MYT1: variants seen among roughly 807,000 people sequenced by gnomAD.
MYT1 encodes myelin transcription factor I.
MYT1 carries 23 observed loss-of-function variants against 123.0 expected under a neutral mutation model. The ratio of observed to expected loss-of-function variants is 0.19; its 90% CI spans 0.13 to 0.26. MYT1 has a LOEUF of 0.26. Ranked by LOEUF, MYT1 falls within the 10% of genes least tolerant of loss-of-function variation. The probability of loss-of-function intolerance (pLI) is 1.00; values close to 1 mark genes in which losing one functional copy is unlikely to be tolerated. For missense variants in MYT1, 1,125 were observed against 1,472.5 expected (o/e 0.76, Z 3.86); for synonymous variants, 518 against 575.3 (o/e 0.90, Z 1.43).
At chr20:64,195,526 G>A (rs1196023951) in intron 2 of MYT1, among the ~76,000 whole-genome samples, 1 of 151,276 alleles carries the variant, frequency 6.6e-6, no homozygotes, top group African/African-American at 2.4e-5. Context: ...CTCCCAAGTA[G>A]CTGAGACTAC....
In MYT1 at chr20:64,191,263, C is replaced by T. The variant is rs1311340592; in HGVS notation, c.-1+1103C>T. Among the ~76,000 whole-genome samples the T allele has an allele frequency of 6.6e-6, 1 of 152,180 alleles. No individual in the cohort carries two copies. Among genetic ancestry groups the T allele is most frequent in the Non-Finnish European group, 1.5e-5 (1 of 68,038 alleles). Reference sequence around the variant, plus strand: ...TACCTTCCCAGGGTATAAGATCTCCCTTCGGGGACACTCCCGAACTGTGAC... The same window carrying T: ...TACCTTCCCAGGGTATAAGATCTCCTTTCGGGGACACTCCCGAACTGTGAC... On this transcript the variant is annotated intron_variant, in intron 2 of 22. Coordinates refer to ENST00000328439, the MANE Select transcript of MYT1 (RefSeq NM_004535.3). This position sits in a 1 kb window ranked among gnomAD's most constrained non-coding sequence, Gnocchi z 4.1.
intron 4 of MYT1, among the ~76,000 whole-genome samples, chr20:64,201,961 A>AC (rs1444995410): frequency 1.5e-5 from 2 of 134,550 alleles, no homozygotes; most frequent in South Asian, 2.4e-4. Flanking sequence ...CGTGTCGGGA[A>AC]CCCCCGCGTG....
chr20:64,219,033 A>C lies in MYT1; in HGVS notation c.1969A>C (p.Lys657Gln), dbSNP rs1469924297. The change falls in exon 12 of 23, where the codon AAG (lysine) becomes CAG (glutamine). Residue 657 changes from lysine to glutamine, a missense_variant and splice_region_variant. By Grantham distance (53) the Lys-to-Gln change is moderately conservative. This residue lies in a region of MYT1 where 429 missense variants were observed against 604.1 expected (regional missense o/e 0.71). Coordinates refer to ENST00000328439, the MANE Select transcript of MYT1 (RefSeq NM_004535.3). ...CACGAAGCCACAGGACCTCCCCAGC[A>C]AGGTTAGTACATCTGCCACAGAGCC... ...LSTKPQDLPS[K>Q]SVDIEVDENG... 1.9e-6 allele frequency: 3 copies of C among 1,612,636 alleles called. No individual in the cohort carries two copies. The highest frequency in any genetic ancestry group is 1.7e-6 in the Non-Finnish European group (2 of 1,179,508).
chr20:64,214,872 C>T (rs1407830936), intron 10 of MYT1, among the ~76,000 whole-genome samples: 2 of 152,230 alleles, frequency 1.3e-5, no homozygotes, highest in African/African-American at 2.4e-5. Context: ...AGATGATCTT[C>T]GCTGCTCACC....
Position 64,240,361 on chromosome 20 carries a change from C to G in MYT1, c.3279C>G (p.Thr1093=), listed in dbSNP as rs780228970. The G allele has an allele frequency of 5.0e-6, 8 of 1,614,062 alleles. No homozygotes were observed. Among genetic ancestry groups the G allele is most frequent in the Middle Eastern group, 3.3e-4 (2 of 6,054 alleles). ...CEQNFDAYVS[T]LTDMYSNQDP... is the part of the protein sequence containing the mutation. ...AGAATTTCGATGCCTATGTGAGCACCCTCACCGACATGTACTCCAACCAGG... is the reference window on the plus strand; with the variant it reads ...AGAATTTCGATGCCTATGTGAGCACGCTCACCGACATGTACTCCAACCAGG... Residue 1093 remains threonine, a synonymous_variant, in exon 23 of 23, where the codon ACC becomes ACG. Transcript: ENST00000328439.
rs2295451 is a variant in MYT1 at position 64,199,524 on chromosome 20, T to A, written c.56-368T>A. ...GTCCAGCTTGATCTGGTGGTTTGTG[T>A]TTCCTGCCAAAAGCTGACTTCTATC... On this transcript the variant is annotated intron_variant, in intron 3 of 22. Transcript: ENST00000328439. Among the ~76,000 whole-genome samples the A allele has an allele frequency of 1.2e-3, 185 of 152,310 alleles. 2 individuals are homozygous for A. The East Asian group carries it at 0.034, about 28-fold the overall frequency.
intron 2 of MYT1, among the ~76,000 whole-genome samples, chr20:64,198,595 G>C (rs1983200267): frequency 2.0e-5 from 3 of 152,238 alleles, no homozygotes; most frequent in Admixed American, 2.0e-4. Context: ...TGGGGGCACG[G>C]TGCACTGTAC....
Position 64,208,418 on chromosome 20 carries a change from C to T in MYT1, c.1222C>T (p.Leu408=). 17 of 1,613,346 alleles carry T rather than the reference C, an allele frequency of 1.1e-5. No homozygotes were observed. Among genetic ancestry groups the T allele is most frequent in the Non-Finnish European group, 1.4e-5 (17 of 1,179,942 alleles). The part of the protein sequence containing the change: ...PGCPPAEQSQ[L]GLGEPGKAAK... ...CTGCCCGCCTGCCGAGCAGAGCCAG[C>T]TGGGCCTGGGAGAGCCAGGGAAGGC... is the stretch of plus-strand genomic sequence containing the variant. The change falls in exon 7 of 23, where the codon CTG becomes TTG. Residue 408 remains leucine (L), a synonymous_variant. Transcript: ENST00000328439. The surrounding 1 kb of genome is among the most constrained non-coding windows in gnomAD (Gnocchi z 5.4).
At chr20:64,182,000 T>G (rs1030729653) in intron 1 of MYT1, among the ~76,000 whole-genome samples, 1 of 151,936 alleles carries the variant, frequency 6.6e-6, no homozygotes, top group Non-Finnish European at 1.5e-5. Context: ...CCCCCAGGAG[T>G]CTACTGTGAC....
intron 16 of MYT1, among the ~76,000 whole-genome samples, chr20:64,224,785 GT>G (rs1159132558): frequency 6.6e-6 from 1 of 152,014 alleles, no homozygotes; most frequent in East Asian, 1.9e-4. Flanking sequence ...AGTCTCCATG[GT>G]TTTTCCCATT....
At position 64,213,218 on chromosome 20, in the gene MYT1, T is replaced by G. The variant is rs1387868165; in HGVS notation, c.1518-316T>G. On this transcript the variant is annotated intron_variant, in intron 9 of 22. Transcript: ENST00000328439. The surrounding 1 kb of genome is among the most constrained non-coding windows in gnomAD (Gnocchi z 5.6). ...AGGGCAAGCCTGTCTCCCAGACCCA[T>G]GCAGAGGAGGCATCTTTGCCCAGAG... Among the ~76,000 whole-genome samples the G allele has an allele frequency of 6.6e-6, 1 of 152,130 alleles. No homozygotes were observed. Among genetic ancestry groups the G allele is most frequent in the Non-Finnish European group, 1.5e-5 (1 of 68,010 alleles).
At chr20:64,225,201 C>G (rs949680203) in intron 16 of MYT1, among the ~76,000 whole-genome samples, 7 of 152,200 alleles carry the variant, frequency 4.6e-5, no homozygotes, top group Non-Finnish European at 8.8e-5. Context: ...CCCCCCGCCA[C>G]GTGTCCTGGT....
At chr20:64,172,512 G>A (rs1465173406) in intron 1 of MYT1, among the ~76,000 whole-genome samples, 2 of 152,196 alleles carry the variant, frequency 1.3e-5, no homozygotes, top group African/African-American at 2.4e-5. Flanking sequence ...CAAGGCCTCA[G>A]TAAAATGTGG....
At chr20:64,199,577 T>C (rs1983230314) in intron 3 of MYT1, among the ~76,000 whole-genome samples, 2 of 152,202 alleles carry the variant, frequency 1.3e-5, no homozygotes, top group Admixed American at 1.3e-4. Context: ...ATACCATCCC[T>C]GGCCCTGAGG....
rs781757453 is a variant in MYT1, at chr20:64,240,375, A to G, written c.3293A>G (p.Tyr1098Cys). 4 of 1,613,992 alleles carry G rather than the reference A, an allele frequency of 2.5e-6. No individual in the cohort carries two copies. In the South Asian group the frequency reaches 4.4e-5, roughly 18 times the overall value. ...DAYVSTLTDM[Y>C]SNQDPENKDL... ...TATGTGAGCACCCTCACCGACATGT[A>G]CTCCAACCAGGACCCGGAGAACAAG... The change falls in exon 23 of 23, where the codon TAC becomes TGC. Residue 1098 changes from tyrosine (Y) to cysteine (C), a missense_variant. By Grantham distance (194) the Tyr-to-Cys change is radical. Coordinates refer to ENST00000328439, the MANE Select transcript of MYT1 (RefSeq NM_004535.3).
chr20:64,222,415 C>T (rs1601720167), intron 14 of MYT1, among the ~76,000 whole-genome samples: 3 of 152,354 alleles, frequency 2.0e-5, no homozygotes, highest in Admixed American at 2.0e-4. Context: ...CAGCTGGGCA[C>T]GTTCTGCCCT....
intron 19 of MYT1, among the ~76,000 whole-genome samples, chr20:64,235,713 C>T (rs1269709604): frequency 7.3e-5 from 9 of 123,166 alleles, no homozygotes; most frequent in East Asian, 2.3e-4. Context: ...CTTGGCTGGC[C>T]GTGGTGGGTG....
At chr20:64,165,400 A>G (rs1394630424) in intron 1 of MYT1, among the ~76,000 whole-genome samples, 2 of 152,058 alleles carry the variant, frequency 1.3e-5, no homozygotes, top group African/African-American at 4.8e-5. Context: ...TTATGGTGGT[A>G]GTGTAACTGG....
rs1983954281 is a variant in MYT1 at position 64,219,953 on chromosome 20, AGCC to A, written c.2216_2218del (p.Arg739del). On this transcript the variant is annotated inframe_deletion, in exon 13 of 23. Coordinates refer to ENST00000328439, the MANE Select transcript of MYT1 (RefSeq NM_004535.3). ...CCGGCCCCTGGACTACACCAAGCCT[AGCC>A]GCCTGAGAGAGGAGGAACCTGAGGA... 1 of 1,522,984 alleles carries A rather than the reference AGCC, an allele frequency of 6.6e-7. No homozygotes were observed. Among genetic ancestry groups the A allele is most frequent in the Admixed American group, 2.1e-5 (1 of 46,668 alleles). The allele number at this position is 1,522,984 out of a possible 1,614,324, so 94.3% of individuals were successfully genotyped here.
Sources: gnomAD v4.1 joint callset for allele counts (sites outside exome capture counted in the v4.1 genomes callset) on GRCh38, gnomAD v4.1.1 for gene constraint, gnomAD v4.1.1 regional missense constraint, Gnocchi (gnomAD v3.1) non-coding constraint, MANE v1.5 for transcripts, NCBI Gene and HGNC (gene_info 2026-07-23, HGNC 2026-07-21) for gene names.